MUC7: variants seen among roughly 807,000 people sequenced by gnomAD.
MUC7 encodes mucin 7, secreted.
Under a neutral mutation model 2.5 loss-of-function variants are expected in MUC7, and 2 were observed. That is an observed-to-expected ratio of 0.81 (90% CI 0.33 to 2.55). The LOEUF is 2.55. Among genes scored for constraint, MUC7 ranks in the 30% most tolerant of loss-of-function variants. The pLI is 0.11. For missense variants in MUC7, 408 were observed against 455.6 expected, an observed-to-expected ratio of 0.90 and a Z score of 0.95; for synonymous variants, 133 against 173.4, an observed-to-expected ratio of 0.77 and a Z score of 1.83.
chr4:70,436,194 C>T (rs541483455), intron 1 of MUC7, among the ~76,000 whole-genome samples: 3 of 152,138 alleles, frequency 2.0e-5, no homozygotes, highest in Admixed American at 6.6e-5. Context: ...GGTTGCTCTT[C>T]TCGAGGAGTA....
intron 1 of MUC7, among the ~76,000 whole-genome samples, chr4:70,455,204 C>T (rs905145039): frequency 1.3e-5 from 2 of 151,950 alleles, no homozygotes; most frequent in Admixed American, 6.6e-5. Context: ...AAGAGTGAGC[C>T]CCCTCTGTGT....
chr4:70,440,233 C>G (rs1460335549), intron 1 of MUC7, among the ~76,000 whole-genome samples: 1 of 152,036 alleles, frequency 6.6e-6, no homozygotes, highest in African/African-American at 2.4e-5. Flanking sequence ...TTAAAAGTTC[C>G]TGGAGTCAAA....
chr4:70,468,621 C>A (rs774687165), upstream of MUC7, among the ~76,000 whole-genome samples: 52 of 152,104 alleles, frequency 3.4e-4, no homozygotes, highest in Non-Finnish European at 1.3e-4. Flanking sequence ...TAATAATAGA[C>A]AAACAGCCAA....
chr4:70,472,801 C>T (rs1238416925), intron 1 of MUC7, among the ~76,000 whole-genome samples: 1 of 152,150 alleles, frequency 6.6e-6, no homozygotes, highest in South Asian at 2.1e-4. Flanking sequence ...ATTTTATAAA[C>T]CATGGGATTG....
chr4:70,451,530 G>A (rs187979676), intron 1 of MUC7, among the ~76,000 whole-genome samples: 2 of 152,184 alleles, frequency 1.3e-5, no homozygotes, highest in South Asian at 2.1e-4. Context: ...ATCTTGCTCT[G>A]CCTCTTGGTT....
chr4:70,464,567 G>A (rs971319286), intron 1 of MUC7, among the ~76,000 whole-genome samples: 1 of 152,080 alleles, frequency 6.6e-6, no homozygotes, highest in African/African-American at 2.4e-5. Flanking sequence ...TCGGGGGAGG[G>A]GAATCTGCCA....
At chr4:70,452,255 T>C (rs909368862) in intron 1 of MUC7, among the ~76,000 whole-genome samples, 7 of 152,306 alleles carry the variant, frequency 4.6e-5, no homozygotes, top group East Asian at 3.9e-4. Flanking sequence ...TTACATTCAA[T>C]GTTATAATTG....
intron 1 of MUC7, among the ~76,000 whole-genome samples, chr4:70,444,999 C>G (rs892441113): frequency 6.6e-6 from 1 of 152,138 alleles, no homozygotes; most frequent in Non-Finnish European, 1.5e-5. Flanking sequence ...TTGCACCACT[C>G]TACTCCAGCC....
In MUC7 at chr4:70,481,220, C is replaced by T. The variant is rs1735162613; in HGVS notation, c.476C>T (p.Ser159Phe). The T allele has an allele frequency of 6.2e-7, 1 of 1,614,058 alleles. No individual in the cohort carries two copies. Among genetic ancestry groups the T allele is most frequent in the African/African-American group, 1.3e-5 (1 of 74,932 alleles). Reference sequence around the variant, plus strand: ...GTAGCTACATTAGCACCAGTGAATTCCCCAGCTCCACAAGACACCACAGCT... The same window carrying T: ...GTAGCTACATTAGCACCAGTGAATTTCCCAGCTCCACAAGACACCACAGCT... ...SSVATLAPVN[S>F]PAPQDTTAAP... is the part of the protein sequence containing the mutation. Residue 159 changes from serine to phenylalanine, a missense_variant, in exon 3 of 3, where the codon TCC becomes TTC. By Grantham distance (155) the Ser-to-Phe change is radical. Transcript: ENST00000304887.
At chr4:70,452,590 G>A (rs1045845898) in intron 1 of MUC7, among the ~76,000 whole-genome samples, 2 of 151,748 alleles carry the variant, frequency 1.3e-5, no homozygotes, top group African/African-American at 4.8e-5. Flanking sequence ...CTTTAATTTC[G>A]TCTTCGCACT....
At chr4:70,474,969 T>C (rs114002474) in intron 2 of MUC7, among the ~76,000 whole-genome samples, 2,051 of 152,222 alleles carry the variant, frequency 0.013, 46 homozygotes, top group African/African-American at 0.047. Context: ...TGCTGGATTG[T>C]ATATGTGGTA....
intron 1 of MUC7, among the ~76,000 whole-genome samples, chr4:70,454,497 G>A (rs1342040198): frequency 6.6e-6 from 1 of 152,192 alleles, no homozygotes; most frequent in Non-Finnish European, 1.5e-5. Context: ...CAAGGACTGA[G>A]ACTCTCTTCC....
At chr4:70,473,292 G>A (rs1397645839) in intron 1 of MUC7, among the ~76,000 whole-genome samples, 1 of 151,868 alleles carries the variant, frequency 6.6e-6, no homozygotes, top group Non-Finnish European at 1.5e-5. Context: ...AATAATAATA[G>A]CAATAGCCAG....
intron 1 of MUC7, among the ~76,000 whole-genome samples, chr4:70,473,753 A>G (rs1450425799): frequency 1.3e-5 from 2 of 152,200 alleles, no homozygotes; most frequent in Admixed American, 6.5e-5. Context: ...TTTAATATCA[A>G]TAGAAAATGC....
At chr4:70,467,864 T>C (rs1734720095), upstream of MUC7, among the ~76,000 whole-genome samples, 1 of 152,188 alleles carries the variant, frequency 6.6e-6, no homozygotes, top group African/African-American at 2.4e-5. Context: ...CTTCTGAAAC[T>C]ATTCCAAACA....
intron 1 of MUC7, among the ~76,000 whole-genome samples, chr4:70,441,601 G>T (rs116163724): frequency 0.012 from 1,767 of 152,250 alleles, 26 homozygotes; most frequent in African/African-American, 0.038. Flanking sequence ...GCTTATATTT[G>T]CAAAGAAGTG....
intron 1 of MUC7, among the ~76,000 whole-genome samples, chr4:70,451,376 C>G (rs771490925): frequency 1.8e-4 from 28 of 152,174 alleles, no homozygotes; most frequent in South Asian, 1.2e-3. Flanking sequence ...TTCAATGCCT[C>G]TTTTAGTGAT....
chr4:70,474,313 T>C (rs1255185943), intron 2 of MUC7, among the ~76,000 whole-genome samples: 3 of 152,006 alleles, frequency 2.0e-5, no homozygotes, highest in Admixed American at 1.3e-4. Flanking sequence ...AGTTCAAGAC[T>C]AGCCTGAGTA....
intron 1 of MUC7, among the ~76,000 whole-genome samples, chr4:70,442,501 C>T (rs754981962): frequency 1.3e-5 from 2 of 152,296 alleles, no homozygotes; most frequent in Non-Finnish European, 2.9e-5. Flanking sequence ...GCCAAACATC[C>T]TCCTCAATTT....
Sources: allele counts gnomAD v4.1 joint callset (sites outside exome capture counted in the v4.1 genomes callset), GRCh38; gene constraint gnomAD v4.1.1; transcripts MANE v1.5; gene names NCBI Gene and HGNC (gene_info 2026-07-23, HGNC 2026-07-21).